VAT1L: variants seen among roughly 807,000 people sequenced by gnomAD.
VAT1L encodes vesicle amine transport 1 like, also known as putative NADPH-dependent quinone oxidoreductase VAT1L.
VAT1L carries 34 observed loss-of-function variants against 44.1 expected under a neutral mutation model. That is an observed-to-expected ratio of 0.77 (90% CI 0.59 to 1.03). The LOEUF is 1.03. Ranked by LOEUF, VAT1L falls within the 50% of genes least tolerant of loss-of-function variation. The probability of loss-of-function intolerance (pLI) is 0.00; values close to 1 mark genes in which losing one functional copy is unlikely to be tolerated. For missense variants in VAT1L, 615 were observed against 538.8 expected (o/e 1.14, Z -1.40); for synonymous variants, 253 against 202.2 (o/e 1.25, Z -2.13).
intron 1 of VAT1L, chr16:77,800,742 C>T (rs920642094): frequency 6.6e-6 from 1 of 152,298 alleles, no homozygotes; most frequent in African/African-American, 2.4e-5. Context: ...CAAAGCAGCA[C>T]ATGCTACCTT....
intron 7 of VAT1L, among the ~76,000 whole-genome samples, chr16:77,935,286 A>AG (rs765984445): frequency 3.0e-4 from 46 of 152,172 alleles, no homozygotes; most frequent in Non-Finnish European, 2.9e-4. Flanking sequence ...TTTTTTATGG[A>AG]GTGCAGTTAA....
chr16:77,834,800 A>G (rs755995810), intron 3 of VAT1L, among the ~76,000 whole-genome samples: 24 of 152,148 alleles, frequency 1.6e-4, no homozygotes, highest in Non-Finnish European at 2.8e-4. Flanking sequence ...TCATTTTCCT[A>G]AGATTAATGG....
At chr16:77,950,836 G>A (rs774139068) in intron 7 of VAT1L, among the ~76,000 whole-genome samples, 3 of 152,042 alleles carry the variant, frequency 2.0e-5, no homozygotes, top group African/African-American at 7.2e-5. Context: ...TTGTTTATCC[G>A]GCCTTTCCTA....
chr16:77,919,861 G>A (rs1174008683), intron 7 of VAT1L, among the ~76,000 whole-genome samples: 1 of 152,150 alleles, frequency 6.6e-6, no homozygotes, highest in African/African-American at 2.4e-5. Flanking sequence ...GCCAAGGGAG[G>A]CAGATCACTT....
intron 1 of VAT1L, among the ~76,000 whole-genome samples, chr16:77,795,664 T>A (rs941925128): frequency 6.6e-6 from 1 of 152,070 alleles, no homozygotes; most frequent in Non-Finnish European, 1.5e-5. Context: ...TCAACTAGCA[T>A]TAGTAGGGAA....
intron 1 of VAT1L, among the ~76,000 whole-genome samples, chr16:77,792,319 C>T (rs1490558433): frequency 4.6e-5 from 7 of 152,032 alleles, no homozygotes; most frequent in Non-Finnish European, 1.0e-4. Context: ...AGAGAGCTTC[C>T]TAGACATGAG....
rs537326333 is a variant in VAT1L at position 77,884,297 on chromosome 16, G to T, written c.883-311G>T. On this transcript the variant is annotated intron_variant, in intron 6 of 8. Transcript: ENST00000302536. The surrounding 1 kb of genome is among the most constrained non-coding windows in gnomAD (Gnocchi z 4.5). ...AAATTAGCTGGGCATGGTCGTGGGC[G>T]CCTGTAATCCCAGCTACTCGGGAGG... Among the ~76,000 whole-genome samples, 1 of 152,002 alleles carries T rather than the reference G, an allele frequency of 6.6e-6. No homozygotes were observed. The highest frequency in any genetic ancestry group is 1.5e-5 in the Non-Finnish European group (1 of 67,992).
chr16:77,840,392 C>T (rs539586189), intron 3 of VAT1L, among the ~76,000 whole-genome samples: 3 of 152,176 alleles, frequency 2.0e-5, no homozygotes, highest in African/African-American at 7.2e-5. Flanking sequence ...TATGCTGGCC[C>T]AGCTGGTGGA....
intron 7 of VAT1L, among the ~76,000 whole-genome samples, chr16:77,902,076 G>A (rs1015453386): frequency 6.6e-6 from 1 of 152,172 alleles, no homozygotes; most frequent in African/African-American, 2.4e-5. Context: ...GTCTTCCAAT[G>A]TGCTGCATTT....
At chr16:77,843,641 T>C (rs1256388296) in intron 3 of VAT1L, among the ~76,000 whole-genome samples, 1 of 152,182 alleles carries the variant, frequency 6.6e-6, no homozygotes, top group Non-Finnish European at 1.5e-5. Context: ...CCCTGTTCTC[T>C]AGAGCCCATC....
chr16:77,971,202 G>C (rs1331012239), intron 7 of VAT1L, among the ~76,000 whole-genome samples: 1 of 152,024 alleles, frequency 6.6e-6, no homozygotes, highest in African/African-American at 2.4e-5. Context: ...TGCTCAAAAG[G>C]CAAATTGGAT....
At chr16:77,959,401 G>A (rs966109748) in intron 7 of VAT1L, among the ~76,000 whole-genome samples, 1 of 152,158 alleles carries the variant, frequency 6.6e-6, no homozygotes, top group Non-Finnish European at 1.5e-5. Context: ...CCCACTTTAT[G>A]TTTTAGATAA....
intron 1 of VAT1L, chr16:77,799,992 G>C (rs1025983424): frequency 6.6e-6 from 1 of 152,156 alleles, no homozygotes; most frequent in African/African-American, 2.4e-5. Context: ...AATACAAACA[G>C]TGGCCATTCC....
rs1261272602 is a variant in VAT1L at position 77,901,183 on chromosome 16, T to A, written c.1077+16381T>A. ...TTTTTTTTTTTTTTTTTTTTTTTTT[T>A]AAGACAGTCTTGCTCTGTCACCCAG... On this transcript the variant is annotated intron_variant, in intron 7 of 8. Coordinates refer to ENST00000302536, the MANE Select transcript of VAT1L (RefSeq NM_020927.3). Among the ~76,000 whole-genome samples, 254 of 129,202 alleles carry A rather than the reference T, an allele frequency of 2.0e-3. 2 individuals are homozygous for A. Among genetic ancestry groups the A allele is most frequent in the African/African-American group, 6.4e-3 (228 of 35,616 alleles). The allele number at this position is 129,202 out of a possible 152,430, so 84.8% of individuals were successfully genotyped here. A position where few individuals can be genotyped will look rare whatever the true frequency, so the allele number is the denominator to read the frequency against.
At chr16:77,917,659 G>C (rs1374689172) in intron 7 of VAT1L, among the ~76,000 whole-genome samples, 2 of 152,174 alleles carry the variant, frequency 1.3e-5, no homozygotes, top group Non-Finnish European at 2.9e-5. Flanking sequence ...GTAGAGGATG[G>C]AGTAGCGATT....
chr16:77,968,553 A>C (rs1246819451), intron 7 of VAT1L, among the ~76,000 whole-genome samples: 1 of 152,204 alleles, frequency 6.6e-6, no homozygotes, highest in African/African-American at 2.4e-5. Context: ...GTGAAACCCC[A>C]TCTCTGCTAA....
At chr16:77,917,228 A>C (rs2142490720) in intron 7 of VAT1L, among the ~76,000 whole-genome samples, 1 of 152,290 alleles carries the variant, frequency 6.6e-6, no homozygotes, top group Non-Finnish European at 1.5e-5. Flanking sequence ...GCAGTAAGAC[A>C]AGAGACAGGA....
At chr16:77,945,044 C>T (rs955341911) in intron 7 of VAT1L, among the ~76,000 whole-genome samples, 2 of 152,176 alleles carry the variant, frequency 1.3e-5, no homozygotes, top group African/African-American at 4.8e-5. Context: ...CACCATGGTA[C>T]AAAAACCTGT....
chr16:77,870,508 A>C (rs1014891176), intron 4 of VAT1L, among the ~76,000 whole-genome samples: 1 of 152,168 alleles, frequency 6.6e-6, no homozygotes, highest in Non-Finnish European at 1.5e-5. Context: ...ATTCTTCCCT[A>C]ATCTGTGTGG....
Sources: allele counts gnomAD v4.1 joint callset (sites outside exome capture counted in the v4.1 genomes callset), GRCh38; gene constraint gnomAD v4.1.1; non-coding constraint Gnocchi (gnomAD v3.1); transcripts MANE v1.5; gene names NCBI Gene and HGNC (gene_info 2026-07-23, HGNC 2026-07-21).